NLRP7: variants seen among roughly 807,000 people sequenced by gnomAD.
The protein encoded by NLRP7 is NACHT, LRR and PYD domains-containing protein 7.
NLRP7 carries 72 observed loss-of-function variants against 85.5 expected under a neutral mutation model. That is an observed-to-expected ratio of 0.84 (90% CI 0.70 to 1.02). NLRP7 has a LOEUF of 1.02. Ranked by LOEUF, NLRP7 falls within the 50% of genes least tolerant of loss-of-function variation. The pLI, the probability that NLRP7 is intolerant of heterozygous loss-of-function variation, is 0.00. For synonymous variants in NLRP7, 550 were observed against 505.2 expected (o/e 1.09, Z -1.19); for missense variants, 1,243 against 1,219.5 (o/e 1.02, Z -0.29).
intron 9 of NLRP7, chr19:54,927,759 G>C: frequency 6.2e-7 from 1 of 1,614,026 alleles, no homozygotes; most frequent in South Asian, 1.1e-5. Flanking sequence ...AAAGGCATGA[G>C]GGAGCAGCTC....
chr19:54,938,935 C>A (rs759165812), exon 4 of NLRP7: 20 of 1,614,162 alleles, frequency 1.2e-5, no homozygotes, highest in Non-Finnish European at 1.7e-5. Context: ...TCTCCAGGAA[C>A]ACCCCCTTTG....
chr19:54,936,527 A>G, intron 5 of NLRP7, 96 bp from the exon 6 acceptor site: 1 of 1,127,936 alleles, frequency 8.9e-7, no homozygotes, highest in East Asian at 2.4e-5. Context: ...TTTAGAAATT[A>G]TTAGAAGTTC....
At chr19:54,952,795 G>A (rs1416292833) in intron 1 of NLRP7, among the ~76,000 whole-genome samples, 1 of 152,062 alleles carries the variant, frequency 6.6e-6, no homozygotes, top group Non-Finnish European at 1.5e-5. Context: ...TTGAATAGGA[G>A]CTGACTAAAA....
In NLRP7 at chr19:54,954,279, C is replaced by A. The variant is rs184290777; in HGVS notation, c.-76-6774G>T. ...GCGGTGGTCACGCCTGTAATCCCAG[C>A]ACTTTGGGAGGCCGAGGCGGGTGGA... On this transcript the variant is annotated intron_variant, in intron 1 of 2. Coordinates refer to the NLRP7 transcript ENST00000587103. Among the ~76,000 whole-genome samples, 1,440 of 148,638 alleles carry A rather than the reference C, an allele frequency of 9.7e-3. 106 individuals are homozygous for A. Among genetic ancestry groups the A allele is most frequent in the African/African-American group, 0.033 (1,355 of 40,450 alleles).
intron 1 of NLRP7, among the ~76,000 whole-genome samples, chr19:54,952,771 A>T (rs1334641016): frequency 6.6e-6 from 1 of 152,136 alleles, no homozygotes; most frequent in African/African-American, 2.4e-5. Flanking sequence ...GCGTGTAACC[A>T]GGGCAACTCC....
At position 54,930,504 on chromosome 19, in the gene NLRP7, G is replaced by A. The variant is rs762377642; in HGVS notation, c.2805C>T (p.His935=). ...AGAAAAAGAAAATCGCCTACCGTAG[G>A]TGTTTTAGGTTACAGTTTGGATTCT... The change falls in exon 9 of 10, where the codon CAC becomes CAT. Residue 935 remains histidine (H), a synonymous_variant. Transcript: ENST00000340844. 7 of 1,602,506 alleles carry A rather than the reference G, an allele frequency of 4.4e-6. No homozygotes were observed. In the East Asian group the frequency reaches 1.1e-4, roughly 26 times the overall value.
chr19:54,964,378 G>A (rs570074386), intron 1 of NLRP7, among the ~76,000 whole-genome samples: 23 of 150,250 alleles, frequency 1.5e-4, no homozygotes, highest in African/African-American at 4.1e-4. Context: ...CACCACGCCC[G>A]GCTAATTTTT....
upstream of NLRP7, among the ~76,000 whole-genome samples, chr19:54,951,081 T>G (rs2069652497): frequency 6.6e-6 from 1 of 152,162 alleles, no homozygotes; most frequent in Admixed American, 6.6e-5. Context: ...TAACCCTGAG[T>G]GGACACAGCA....
At chr19:54,937,042 C>A (rs1187185884) in intron 5 of NLRP7, among the ~76,000 whole-genome samples, 2 of 151,664 alleles carry the variant, frequency 1.3e-5, no homozygotes, top group Non-Finnish European at 2.9e-5. Context: ...CACGGTGAAA[C>A]CCCGTCTTTA....
chr19:54,938,797 C>T, intron 4 of NLRP7, 91 bp downstream of exon 4: 1 of 1,418,960 alleles, frequency 7.0e-7, no homozygotes, highest in Non-Finnish European at 9.9e-7. Flanking sequence ...GAAAGAAGTC[C>T]AGCCAGAGGG....
chr19:54,942,339 G>A (rs1365366697), intron 1 of NLRP7, among the ~76,000 whole-genome samples: 1 of 151,830 alleles, frequency 6.6e-6, no homozygotes, highest in Admixed American at 6.6e-5. Context: ...TGCCTAATGG[G>A]GGCTTCCTAT....
intron 9 of NLRP7, among the ~76,000 whole-genome samples, chr19:54,924,188 G>A (rs4806622): frequency 0.084 from 12,768 of 152,062 alleles, 897 homozygotes; most frequent in East Asian, 0.32. Flanking sequence ...GGCTGGTCTC[G>A]AACTTCTGGC....
chr19:54,926,205 G>GGT lies in NLRP7; in HGVS notation c.2811-2335_2811-2334dup, dbSNP rs138774910. Among the ~76,000 whole-genome samples, 1,290 of 143,696 alleles carry GGT rather than the reference G, an allele frequency of 9.0e-3. 29 individuals are homozygous for GGT. In the East Asian group the frequency reaches 0.11, roughly 12 times the overall value. The allele number at this position is 143,696 out of a possible 152,430, so 94.3% of individuals were successfully genotyped here. On this transcript the variant is annotated intron_variant, in intron 9 of 9. Transcript: ENST00000340844. ...CCTATTTTTGGATATAATGATTAGG[G>GGT]GTGTGTGTGTGTGTGTGTGTGTGCT...
Position 54,940,300 on chromosome 19 carries a change from C to T in NLRP7, c.519G>A (p.Thr173=), listed in dbSNP as rs201414484. The change falls in exon 4 of 10, where the codon ACG becomes ACA. Residue 173 remains threonine (T), a synonymous_variant. Coordinates refer to ENST00000340844, the Ensembl canonical transcript of NLRP7. Reference sequence around the variant, plus strand: ...CGCCTGCGGGGCCGTGCAGCACCACCGTGTAAGGTGTTAGCTTCCTGGGTG... The same window carrying T: ...CGCCTGCGGGGCCGTGCAGCACCACTGTGTAAGGTGTTAGCTTCCTGGGTG... The T allele has an allele frequency of 3.2e-5, 52 of 1,614,070 alleles. No individual in the cohort carries two copies. In the East Asian group the frequency reaches 8.9e-4, roughly 28 times the overall value.
chr19:54,943,519 G>T (rs887506132), intron 1 of NLRP7, among the ~76,000 whole-genome samples: 13 of 149,982 alleles, frequency 8.7e-5, no homozygotes, highest in Middle Eastern at 3.4e-3. Flanking sequence ...GAGAATGGCG[G>T]GAACCCGGGA....
intron 1 of NLRP7, among the ~76,000 whole-genome samples, chr19:54,962,039 T>C (rs1382851891): frequency 6.7e-6 from 1 of 149,416 alleles, no homozygotes; most frequent in Non-Finnish European, 1.5e-5. Flanking sequence ...GGTACATGCC[T>C]GTAATCCCAG....
At chr19:54,954,965 C>T (rs973859896) in intron 1 of NLRP7, among the ~76,000 whole-genome samples, 2 of 152,140 alleles carry the variant, frequency 1.3e-5, no homozygotes, top group African/African-American at 4.8e-5. Flanking sequence ...CATAGTCTCG[C>T]CCTGAATTCT....
intron 1 of NLRP7, among the ~76,000 whole-genome samples, chr19:54,945,238 C>CAAAAA (rs75770706): frequency 8.6e-5 from 6 of 69,604 alleles, no homozygotes; most frequent in East Asian, 1.1e-3. Flanking sequence ...GACTCCCTCT[C>CAAAAA]AAAAAAAAAA....
At chr19:54,944,567 T>C (rs927322719) in intron 1 of NLRP7, among the ~76,000 whole-genome samples, 1 of 152,010 alleles carries the variant, frequency 6.6e-6, no homozygotes, top group African/African-American at 2.4e-5. Flanking sequence ...CCACTTTTCT[T>C]TCTGTGTACT....
Sources: gnomAD v4.1 joint callset for allele counts (sites outside exome capture counted in the v4.1 genomes callset) on GRCh38, gnomAD v4.1.1 for gene constraint, MANE v1.5 for transcripts, NCBI Gene and HGNC (gene_info 2026-07-23, HGNC 2026-07-21) for gene names.